The following TRIM49 variants were observed in gnomAD, a reference collection of about 807,000 sequenced individuals.
TRIM49 encodes the protein tripartite motif-containing protein 49.
TRIM49 carries 5 observed loss-of-function variants against 27.4 expected under a neutral mutation model. That is an observed-to-expected ratio of 0.18 (90% confidence interval 0.10 to 0.38). The LOEUF is 0.38. Ranked by LOEUF, TRIM49 falls within the 10% of genes least tolerant of loss-of-function variation. The pLI, the probability that TRIM49 is intolerant of heterozygous loss-of-function variation, is 1.00. For missense variants in TRIM49, 188 were observed against 487.5 expected (o/e 0.39, Z 5.79); for synonymous variants, 69 against 166.0 (o/e 0.42, Z 4.49).
At chr11:89,797,311 C>T (rs1430551361), downstream of TRIM49, among the ~76,000 whole-genome samples, 2 of 151,724 alleles carry the variant, frequency 1.3e-5, no homozygotes, top group African/African-American at 4.9e-5. Context: ...TATCTTTCTC[C>T]ACTACTAGTT....
Position 89,808,486 on chromosome 11 carries a change from T to C in TRIM49, c.-240A>G, listed in dbSNP as rs71469289. 1.5e-4 allele frequency: 23 copies of C among 150,058 alleles called. No homozygotes were observed. In the East Asian group the frequency reaches 2.0e-3, roughly 13 times the overall value. 9.3% of individuals were successfully genotyped at this position (150,058 alleles called of 1,614,324 possible). On this transcript the variant is annotated 5_prime_UTR_variant, in exon 1 of 8. It removes an upstream start codon present in the reference 5' UTR. Transcript: ENST00000329758. ...AATGTGAGATCCTGGGTACAGTCCA[T>C]CAGGAAAAGAAATCCCCCGCTGGCT...
the TRIM49 span, among the ~76,000 whole-genome samples, chr11:89,773,823 A>G: frequency 7.5e-6 from 1 of 134,038 alleles, no homozygotes; most frequent in African/African-American, 3.5e-5. Flanking sequence ...CTGTAATCCC[A>G]GCTACTTGGG....
At chr11:89,792,088 G>A in the TRIM49 span, among the ~76,000 whole-genome samples, 1 of 151,704 alleles carries the variant, frequency 6.6e-6, no homozygotes, top group South Asian at 2.1e-4. Flanking sequence ...GGCAGGGGTT[G>A]CAATCCTAGT....
intron 2 of TRIM49, among the ~76,000 whole-genome samples, chr11:89,805,865 G>A (rs1308864772): frequency 1.2e-4 from 18 of 149,402 alleles, no homozygotes; most frequent in Admixed American, 3.3e-4. Context: ...TTACAGGAAC[G>A]TGACACTAGG....
chr11:89,804,935 A>G (rs71469288), intron 2 of TRIM49, among the ~76,000 whole-genome samples: 31,338 of 145,068 alleles, frequency 0.22, 3,528 homozygotes, highest in African/African-American at 0.39. Flanking sequence ...TTTTATAGAG[A>G]GTCACAAAAG....
rs1949795034 is a variant in TRIM49 at position 89,807,276 on chromosome 11, T to C, written c.-182A>G. ...TGAGCTTGTCTCTTCCGTGTCCTTT[T>C]ATAAGAACCTGTGAAGACCACACCC... On this transcript the variant is annotated 5_prime_UTR_variant, in exon 2 of 8. In the 5' UTR this introduces an upstream ATG that the reference lacks. Transcript: ENST00000329758. 6.6e-6 allele frequency: 1 copy of C among 151,736 alleles called. No homozygotes were observed. Among genetic ancestry groups the C allele is most frequent in the African/African-American group, 2.4e-5 (1 of 41,252 alleles). 9.4% of individuals were successfully genotyped at this position (151,736 alleles called of 1,614,324 possible).
chr11:89,803,483 G>C (rs1949756451), intron 4 of TRIM49, among the ~76,000 whole-genome samples: 1 of 150,790 alleles, frequency 6.6e-6, no homozygotes, highest in Non-Finnish European at 1.5e-5. Flanking sequence ...AAACCAGCAT[G>C]CTTTGGGTGA....
chr11:89,804,042 T>A lies in TRIM49; in HGVS notation c.411+17A>T. ...ATGCTTCCTTTACAGAAATCGATCT[T>A]CAGAGCCATCACTTACCCGGTGTTC... is the stretch of plus-strand genomic sequence containing the variant. On this transcript the variant is annotated intron_variant, in intron 3 of 7. Coordinates refer to ENST00000329758, the MANE Select transcript of TRIM49 (RefSeq NM_020358.2). 1 of 1,604,334 alleles carries A rather than the reference T, an allele frequency of 6.2e-7. No homozygotes were observed. Among genetic ancestry groups the A allele is most frequent in the Non-Finnish European group, 8.5e-7 (1 of 1,174,564 alleles).
chr11:89,789,730 CCT>C, the TRIM49 span: 1 of 152,068 alleles, frequency 6.6e-6, no homozygotes, highest in Admixed American at 6.5e-5. Context: ...GGCATTCCTT[CCT>C]GTTTCCGCCA....
intron 2 of TRIM49, among the ~76,000 whole-genome samples, chr11:89,805,805 C>G (rs928131909): frequency 2.7e-5 from 4 of 149,058 alleles, no homozygotes; most frequent in Non-Finnish European, 5.9e-5. Context: ...GTAACCTCCG[C>G]CTCCAGGTTC....
chr11:89,772,267 C>A, the TRIM49 span, among the ~76,000 whole-genome samples: 1 of 136,166 alleles, frequency 7.3e-6, no homozygotes, highest in South Asian at 2.3e-4. Context: ...ATAAAATATG[C>A]GTTAATCAAC....
downstream of TRIM49, among the ~76,000 whole-genome samples, chr11:89,792,679 A>G: frequency 6.6e-6 from 1 of 152,156 alleles, no homozygotes; most frequent in Admixed American, 6.5e-5. Flanking sequence ...AGAAATAAAG[A>G]TGTTCTTTGA....
At chr11:89,782,615 T>TG in the TRIM49 span, among the ~76,000 whole-genome samples, 15,925 of 121,206 alleles carry the variant, frequency 0.13, 10 homozygotes, top group Admixed American at 0.25. Context: ...GTACAAGTTT[T>TG]TTGAGATTCA....
At chr11:89,787,247 C>T in the TRIM49 span, 1 of 225,210 alleles carries the variant, frequency 4.4e-6, no homozygotes, top group East Asian at 1.3e-4. Context: ...CGCCCTGGAC[C>T]ACATAGTCAG....
chr11:89,804,061 G>A lies in TRIM49; in HGVS notation c.409C>T (p.Arg137Trp), dbSNP rs377060699. 149 of 1,604,344 alleles carry A rather than the reference G, an allele frequency of 9.3e-5. No homozygotes were observed. The highest frequency in any genetic ancestry group is 3.7e-4 in the Admixed American group (22 of 59,696). The change falls in exon 3 of 8, where the codon CGG becomes TGG. Residue 137 changes from arginine to tryptophan, a missense_variant and splice_region_variant. Physicochemically the swap from Arg to Trp is moderately radical, Grantham distance 101 (BLOSUM62 -3). Coordinates refer to ENST00000329758, the MANE Select transcript of TRIM49 (RefSeq NM_020358.2). ...CGATCTTCAGAGCCATCACTTACCC[G>A]GTGTTCCTCAGCAGCCCACTCAATG... ...RPIEWAAEEH[R>W]EKLLQKMQSL...
the TRIM49 span, among the ~76,000 whole-genome samples, chr11:89,784,190 A>G: frequency 3.6e-5 from 4 of 111,002 alleles, 1 homozygote; most frequent in Non-Finnish European, 3.2e-5. Flanking sequence ...TTGTTCAATG[A>G]AACAAAGCTG....
chr11:89,779,961 T>A, the TRIM49 span, among the ~76,000 whole-genome samples: 2 of 95,254 alleles, frequency 2.1e-5, no homozygotes, highest in Non-Finnish European at 4.6e-5. Context: ...GGTTTCCCAA[T>A]CCATCCATCC....
At chr11:89,782,131 T>C in the TRIM49 span, 83 of 1,551,268 alleles carry the variant, frequency 5.4e-5, 1 homozygote, top group Admixed American at 2.6e-4. Context: ...CCAATATCGT[T>C]ATTGATTCTG....
chr11:89,787,894 G>A, the TRIM49 span: 2 of 408,342 alleles, frequency 4.9e-6, 1 homozygote, highest in Non-Finnish European at 8.8e-6. Context: ...CCGCGGGGCT[G>A]GGCACCGTGG....
Sources: allele counts gnomAD v4.1 joint callset (sites outside exome capture counted in the v4.1 genomes callset), GRCh38; gene constraint gnomAD v4.1.1; transcripts MANE v1.5; gene names NCBI Gene and HGNC (gene_info 2026-07-23, HGNC 2026-07-21).